TTN: variants seen among roughly 807,000 people sequenced by gnomAD.
TTN encodes titin.
Under a neutral mutation model 3,223.0 loss-of-function variants are expected in TTN, and 1,525 were observed. The ratio of observed to expected loss-of-function variants is 0.47; its 90% CI spans 0.45 to 0.49. The LOEUF is 0.49. TTN is among the 20% of genes least tolerant of loss of function. The pLI, the probability that TTN is intolerant of heterozygous loss-of-function variation, is 0.00. For synonymous variants in TTN, 14,094 were observed against 15,161.0 expected, an observed-to-expected ratio of 0.93 and a Z score of 5.17; for missense variants, 40,786 against 43,424.0, an observed-to-expected ratio of 0.94 and a Z score of 5.40.
In TTN at chr2:178,548,081, T is replaced by C; in HGVS notation, c.93545A>G (p.Tyr31182Cys). Residue 31182 changes from tyrosine to cysteine, a missense_variant, in exon 339 of 363, where the codon TAT becomes TGT. Coordinates refer to ENST00000589042, the MANE Select transcript of TTN (RefSeq NM_001267550.2). The surrounding 1 kb of genome is among the most constrained non-coding windows in gnomAD (Gnocchi z 4.3). ...TVERLVEKTEYEFRVKAKNDA... is the reference protein window; with the variant it reads ...TVERLVEKTECEFRVKAKNDA... ...ATTCTTGGCCTTCACACGGAATTCA[T>C]ATTCAGTTTTCTCAACAAGACGCTC... 6.2e-7 allele frequency: 1 copy of C among 1,613,850 alleles called. No homozygotes were observed. The highest frequency in any genetic ancestry group is 8.5e-7 in the Non-Finnish European group (1 of 1,179,796).
chr2:178,528,683 A>T lies in TTN; in HGVS notation c.107068T>A (p.Tyr35690Asn). The T allele has an allele frequency of 6.2e-7, 1 of 1,613,534 alleles. No homozygotes were observed. Among genetic ancestry groups the T allele is most frequent in the Non-Finnish European group, 8.5e-7 (1 of 1,179,700 alleles). ...KTKEGIVKCQ[Y>N]DLTLSKELSD... ...AGTTCTTTGCTCAGTGTCAAATCAT[A>T]CTGACACTTGACGATTCCTTCCTTG... Residue 35690 changes from tyrosine (Y) to asparagine (N), a missense_variant, in exon 360 of 363, where the codon TAT (tyrosine) becomes AAT (asparagine). Tyr to Asn is a moderately radical substitution (Grantham distance 143). Transcript: ENST00000589042.
chr2:178,575,573 G>C lies in TTN; in HGVS notation c.70559C>G (p.Pro23520Arg), dbSNP rs763169614. 6.2e-7 allele frequency: 1 copy of C among 1,613,440 alleles called. No individual in the cohort carries two copies. Among genetic ancestry groups the C allele is most frequent in the Non-Finnish European group, 8.5e-7 (1 of 1,179,654 alleles). ...MAENEYGIGE[P>R]TETTEPVKAS... ...TTTTACGGGCTCTGTAGTTTCTGTTGGCTCACCAATTCCATATTCATTCTC... is the reference window on the plus strand; with the variant it reads ...TTTTACGGGCTCTGTAGTTTCTGTTCGCTCACCAATTCCATATTCATTCTC... The change falls in exon 326 of 363, where the codon CCA becomes CGA. Residue 23520 changes from proline (P) to arginine (R), a missense_variant. By Grantham distance (103) the Pro-to-Arg change is moderately radical. Transcript: ENST00000589042. This position sits in a 1 kb window ranked among gnomAD's most constrained non-coding sequence, Gnocchi z 4.0.
At chr2:178,652,401 A>C in intron 202 of TTN, 54 bp from the exon 203 acceptor site, 1 of 1,613,194 alleles carries the variant, frequency 6.2e-7, no homozygotes, top group Non-Finnish European at 8.5e-7. Flanking sequence ...CACTAGAAAA[A>C]TACTTTCCAG....
chr2:178,701,232 T>C (rs375261677), intron 110 of TTN, 29 bp from the exon 111 acceptor site: 781 of 1,578,536 alleles, frequency 4.9e-4, no homozygotes, highest in Non-Finnish European at 6.2e-4. Context: ...GTTAGTAACA[T>C]GTTTTAGTTT....
At chr2:178,619,326 C>G (rs1345579905) in intron 250 of TTN, 1 of 464,332 alleles carries the variant, frequency 2.2e-6, no homozygotes, top group Non-Finnish European at 3.8e-6. Context: ...GAGTATAAGA[C>G]CGTCTTTAGA....
chr2:178,641,217 A>G, intron 220 of TTN, 24 bp downstream of exon 220: 1 of 1,441,600 alleles, frequency 6.9e-7, no homozygotes, highest in Non-Finnish European at 9.4e-7. Context: ...AGATAATCTT[A>G]CAAATTGTCA....
At chr2:178,554,341 G>T (rs1700475589) in intron 332 of TTN, 112 bp downstream of exon 332, 1 of 1,416,260 alleles carries the variant, frequency 7.1e-7, no homozygotes, top group Non-Finnish European at 9.6e-7. Context: ...TTGTGAAAAG[G>T]ATGGTAATGA....
At chr2:178,714,931 G>T in intron 90 of TTN, 55 bp downstream of exon 90, 2 of 1,559,300 alleles carry the variant, frequency 1.3e-6, no homozygotes, top group South Asian at 2.5e-5. Flanking sequence ...GGGGGCAACA[G>T]AGTATTACAA....
rs1704865005 is a variant in TTN at position 178,564,356 on chromosome 2, T to C, written c.81776A>G (p.Asp27259Gly). The C allele has an allele frequency of 6.2e-7, 1 of 1,613,724 alleles. No homozygotes were observed. The highest frequency in any genetic ancestry group is 1.1e-5 in the South Asian group (1 of 91,082). ...TCTTGCAGTAATGGCACCACTACTATCAGATGGTTCACTAAAGTTTCCAGC... is the reference window on the plus strand; with the variant it reads ...TCTTGCAGTAATGGCACCACTACTACCAGATGGTTCACTAAAGTTTCCAGC... Reference protein sequence around the residue: ...NAAGNFSEPSDSSGAITARDE... With the variant: ...NAAGNFSEPSGSSGAITARDE... The change falls in exon 326 of 363, where the codon GAT becomes GGT. Residue 27259 changes from aspartate (D) to glycine (G), a missense_variant. Asp to Gly is a moderately conservative substitution (Grantham distance 94). Transcript: ENST00000589042.
At chr2:178,699,756 T>C (rs2074588789) in intron 111 of TTN, among the ~76,000 whole-genome samples, 1 of 103,878 alleles carries the variant, frequency 9.6e-6, no homozygotes, top group African/African-American at 3.8e-5. Flanking sequence ...AGACGGAGTC[T>C]CACTCTGTCA....
intron 240 of TTN, among the ~76,000 whole-genome samples, chr2:178,627,250 A>G (rs1261897791): frequency 6.6e-6 from 1 of 151,982 alleles, no homozygotes; most frequent in Admixed American, 6.6e-5. Context: ...AACTACAACA[A>G]CAAAGAAAAA....
In TTN at chr2:178,665,610, TATTA is replaced by T. The variant is rs2065794151; in HGVS notation, c.35959+94_35959+97del. 1.4e-5 allele frequency: 17 copies of T among 1,230,470 alleles called. No individual in the cohort carries two copies. The East Asian group carries it at 4.1e-4, about 30-fold the overall frequency. 76.2% of individuals were successfully genotyped at this position (1,230,470 alleles called of 1,614,324 possible). ...TACAATCTTGAGGAGAGGAACCACA[TATTA>T]ATTGTCTTTGTTTATTATTCTCCAG... On this transcript the variant is annotated intron_variant, in intron 164 of 362. Transcript: ENST00000589042.
Position 178,546,263 on chromosome 2 carries a change from C to T in TTN, c.95068G>A (p.Val31690Met), listed in dbSNP as rs727503543. ...GCCTTGGTCCCGCTGGCATTTTTCA[C>T]TGTTAAAGTGTATTTTCCACTGTCA... ...RSDSGKYTLT[V>M]KNASGTKAVS... Residue 31690 changes from valine to methionine, a missense_variant, in exon 342 of 363, where the codon GTG becomes ATG. Coordinates refer to ENST00000589042, the MANE Select transcript of TTN (RefSeq NM_001267550.2). 75 of 1,613,578 alleles carry T rather than the reference C, an allele frequency of 4.6e-5. No individual in the cohort carries two copies. The highest frequency in any genetic ancestry group is 6.1e-5 in the Non-Finnish European group (72 of 1,179,650).
chr2:178,710,989 G>T (rs2076575157), intron 97 of TTN, 67 bp from the exon 98 acceptor site: 7 of 1,550,346 alleles, frequency 4.5e-6, no homozygotes, highest in Non-Finnish European at 6.1e-6. Context: ...TACTGAAATA[G>T]AAATTTCTCC....
intron 47 of TTN, chr2:178,747,308 G>T: frequency 1.2e-6 from 2 of 1,613,284 alleles, no homozygotes; most frequent in Non-Finnish European, 1.7e-6. Context: ...TTCCCCTAAA[G>T]GTGTGGAATA....
Position 178,642,374 on chromosome 2 carries a change from A to T in TTN, c.40478-57T>A, listed in dbSNP as rs933724471. Reference sequence around the variant, plus strand: ...GAATTTATATAAAAACGGAATTTCAACAAGAAAAATGTCTCTCCTAAAACT... The same window carrying T: ...GAATTTATATAAAAACGGAATTTCATCAAGAAAAATGTCTCTCCTAAAACT... On this transcript the variant is annotated intron_variant, in intron 218 of 362. Transcript: ENST00000589042. 1.8e-5 allele frequency: 27 copies of T among 1,479,530 alleles called. 1 individual carries two copies. In the South Asian group the frequency reaches 2.1e-4, roughly 12 times the overall value. 91.7% of individuals were successfully genotyped at this position (1,479,530 alleles called of 1,614,324 possible).
intron 24 of TTN, chr2:178,778,317 TGTTG>T (rs1414508493): frequency 9.8e-6 from 3 of 306,790 alleles, no homozygotes; most frequent in Non-Finnish European, 1.8e-5. Flanking sequence ...TCCTAATAAA[TGTTG>T]GTTGGATAAG....
At chr2:178,637,188 T>TATATA (rs1576758344) in intron 224 of TTN, among the ~76,000 whole-genome samples, 181 bp downstream of exon 224, 1 of 129,608 alleles carries the variant, frequency 7.7e-6, no homozygotes, top group Admixed American at 7.5e-5. Context: ...TATATATATA[T>TATATA]ATCTCCTTGC....
chr2:178,680,535 G>A (rs1459080006), intron 138 of TTN, among the ~76,000 whole-genome samples: 1 of 151,986 alleles, frequency 6.6e-6, no homozygotes, highest in East Asian at 1.9e-4. Context: ...AAGTACCCAA[G>A]TAAACATGAA....
Sources: gnomAD v4.1 joint callset for allele counts (sites outside exome capture counted in the v4.1 genomes callset) on GRCh38, gnomAD v4.1.1 for gene constraint, Gnocchi (gnomAD v3.1) non-coding constraint, MANE v1.5 for transcripts, NCBI Gene and HGNC (gene_info 2026-07-23, HGNC 2026-07-21) for gene names.